ZNF165: variants seen among roughly 807,000 people sequenced by gnomAD.
The protein encoded by ZNF165 is zinc finger protein 165, also known as cancer/testis antigen 53.
A neutral mutation model predicts 19.6 loss-of-function variants in ZNF165; 14 were observed. The observed-to-expected ratio is 0.71, with a 90% confidence interval of 0.47 to 1.12. ZNF165 has a LOEUF of 1.12. Among genes scored for constraint, ZNF165 ranks in the 50% most tolerant of loss-of-function variants. The pLI, the probability that ZNF165 is intolerant of heterozygous loss-of-function variation, is 0.00. For synonymous variants in ZNF165, 165 were observed against 195.0 expected, an observed-to-expected ratio of 0.85 and a Z score of 1.28; for missense variants, 504 against 566.3, an observed-to-expected ratio of 0.89 and a Z score of 1.12.
At chr6:28,084,608 G>A (rs1044573963) in intron 1 of ZNF165, among the ~76,000 whole-genome samples, 6 of 152,094 alleles carry the variant, frequency 3.9e-5, no homozygotes, top group East Asian at 1.9e-4. Flanking sequence ...GCAGTGAGCC[G>A]AGATCGCGCC....
In ZNF165 at chr6:28,085,657, T is replaced by C. The variant is rs761880257; in HGVS notation, c.177T>C (p.Asp59=). 5.6e-6 allele frequency: 9 copies of C among 1,614,220 alleles called. No individual in the cohort carries two copies. The South Asian group carries it at 9.9e-5, about 18-fold the overall frequency. Residue 59 remains aspartate, a synonymous_variant, in exon 2 of 4, where the codon GAT becomes GAC. Transcript: ENST00000683778. ...TTTTTAGGCAGTTCTGCTACCAGGA[T>C]TCTCCTGGACCTCGCGAGGCACTGA... ...RQLFRQFCYQ[D]SPGPREALSR...
At chr6:28,086,127 C>G in intron 2 of ZNF165, 45 bp from the exon 3 acceptor site, 1 of 1,581,494 alleles carries the variant, frequency 6.3e-7, no homozygotes, top group Non-Finnish European at 8.6e-7. Flanking sequence ...AGACGTTTAA[C>G]ACAGGGATTC....
chr6:28,088,520 C>T (rs758366301), intron 3 of ZNF165, 43 bp from the exon 4 acceptor site: 60 of 1,524,824 alleles, frequency 3.9e-5, no homozygotes, highest in Non-Finnish European at 4.8e-5. Context: ...ATTTTCTTTT[C>T]GTGCAGCAAA....
At chr6:28,083,658 T>C (rs1764204862) in intron 1 of ZNF165, among the ~76,000 whole-genome samples, 1 of 152,230 alleles carries the variant, frequency 6.6e-6, no homozygotes, top group South Asian at 2.1e-4. Flanking sequence ...TCTCCCTTGA[T>C]CAGGTATGCT....
rs185917027 is a variant in ZNF165 at position 28,086,071 on chromosome 6, C to T, written c.412-101C>T. On this transcript the variant is annotated intron_variant, in intron 2 of 3. Transcript: ENST00000683778. ...ACAATTAAATCAGACTCGATTCTTC[C>T]TTCCCCAGTTTTGCATTTCTATGGG... 3.7e-3 allele frequency: 5,604 copies of T among 1,526,730 alleles called. 19 individuals are homozygous for T. The highest frequency in any genetic ancestry group is 7.6e-3 in the Admixed American group (356 of 46,754). 94.6% of individuals were successfully genotyped at this position (1,526,730 alleles called of 1,614,324 possible). A position where few individuals can be genotyped will look rare whatever the true frequency, so the allele number is the denominator to read the frequency against.
intron 1 of ZNF165, among the ~76,000 whole-genome samples, chr6:28,084,257 A>C (rs1190233905): frequency 6.6e-6 from 1 of 152,242 alleles, no homozygotes; most frequent in African/African-American, 2.4e-5. Context: ...CTTGTAAACC[A>C]TTGCTGTACA....
chr6:28,084,616 G>A (rs955868166), intron 1 of ZNF165, among the ~76,000 whole-genome samples: 4 of 152,070 alleles, frequency 2.6e-5, no homozygotes, highest in Non-Finnish European at 4.4e-5. Context: ...CCGAGATCGC[G>A]CCATTGCACT....
At position 28,080,932 on chromosome 6, in the gene ZNF165, C is replaced by T. The variant is rs1764138749; in HGVS notation, c.-39C>T. 6.6e-6 allele frequency: 1 copy of T among 152,276 alleles called. No individual in the cohort carries two copies. The highest frequency in any genetic ancestry group is 2.1e-4 in the South Asian group (1 of 4,842). 9.4% of individuals were successfully genotyped at this position (152,276 alleles called of 1,614,324 possible). A position where few individuals can be genotyped will look rare whatever the true frequency, so the allele number is the denominator to read the frequency against. ...GAAGTGTAGCGCCGCTCAGTCCTTC[C>T]ACCGGAAGTGTCCGATCGGAATCAG... On this transcript the variant is annotated 5_prime_UTR_variant, in exon 1 of 4. Transcript: ENST00000683778.
chr6:28,081,883 T>G lies in ZNF165; in HGVS notation c.-1+913T>G, dbSNP rs189642131. On this transcript the variant is annotated intron_variant, in intron 1 of 3. Coordinates refer to ENST00000683778, the MANE Select transcript of ZNF165 (RefSeq NM_001376491.1). ...TTAGGGGGACTCGGTTTTAAATAGA[T>G]GAGAAGTGATAAAACACCTGGAGAT... Among the ~76,000 whole-genome samples the G allele has an allele frequency of 1.9e-3, 297 of 152,314 alleles. 1 individual carries two copies. The highest frequency in any genetic ancestry group is 5.5e-3 in the African/African-American group (227 of 41,568).
In ZNF165 at chr6:28,088,617, T is replaced by C. The variant is rs779386659; in HGVS notation, c.605T>C (p.Ile202Thr). Residue 202 changes from isoleucine to threonine, a missense_variant, in exon 4 of 4, where the codon ATT becomes ACT. Physicochemically the swap from Ile to Thr is moderately conservative, Grantham distance 89. Transcript: ENST00000683778. ...SMPKLEIFEK[I>T]ESQRIISGRI... ...CCAAAGCTGGAAATTTTTGAAAAAA[T>C]TGAATCACAGAGAATTATATCTGGA... 3.7e-6 allele frequency: 6 copies of C among 1,611,380 alleles called. No homozygotes were observed. The African/African-American group carries it at 5.4e-5, about 14-fold the overall frequency.
intron 2 of ZNF165, 81 bp downstream of exon 2, chr6:28,085,972 T>G: frequency 1.3e-6 from 2 of 1,555,808 alleles, no homozygotes; most frequent in Non-Finnish European, 8.7e-7. Flanking sequence ...ATTGCATATC[T>G]AGCTTGCAGG....
At chr6:28,083,095 T>G (rs1764192865) in intron 1 of ZNF165, among the ~76,000 whole-genome samples, 1 of 152,202 alleles carries the variant, frequency 6.6e-6, no homozygotes, top group Non-Finnish European at 1.5e-5. Flanking sequence ...TTGAGCAATT[T>G]CTTAACAGAG....
Position 28,089,295 on chromosome 6 carries a change from A to G in ZNF165, c.1283A>G (p.Tyr428Cys). 1 of 1,614,162 alleles carries G rather than the reference A, an allele frequency of 6.2e-7. No homozygotes were observed. The highest frequency in any genetic ancestry group is 1.6e-4 in the Middle Eastern group (1 of 6,062). ...HQRIHTREKP[Y>C]ECSECGKTFR... ...AGAATTCACACCAGAGAGAAACCCT[A>G]CGAGTGTAGTGAATGTGGGAAAACC... The change falls in exon 4 of 4, where the codon TAC becomes TGC. Residue 428 changes from tyrosine (Y) to cysteine (C), a missense_variant. Physicochemically the swap from Tyr to Cys is radical, Grantham distance 194 (BLOSUM62 -2). Coordinates refer to ENST00000683778, the MANE Select transcript of ZNF165 (RefSeq NM_001376491.1).
In ZNF165 at chr6:28,086,297, C is replaced by T; in HGVS notation, c.537C>T (p.Leu179=). 1.2e-6 allele frequency: 2 copies of T among 1,613,850 alleles called. No individual in the cohort carries two copies. The highest frequency in any genetic ancestry group is 1.7e-6 in the Non-Finnish European group (2 of 1,179,900). The part of the protein sequence containing the change: ...KAHFDSSEPQ[L]LWDCDNESEN... ...ATTTTGATTCATCAGAACCCCAGCTCCTATGGGACTGTGGTGAGGGGCAGA... is the reference window on the plus strand; with the variant it reads ...ATTTTGATTCATCAGAACCCCAGCTTCTATGGGACTGTGGTGAGGGGCAGA... The change falls in exon 3 of 4, where the codon CTC becomes CTT. Residue 179 remains leucine, a synonymous_variant. Coordinates refer to ENST00000683778, the MANE Select transcript of ZNF165 (RefSeq NM_001376491.1).
chr6:28,081,218 T>G (rs203878), intron 1 of ZNF165: 80,593 of 152,180 alleles, frequency 0.53, 25,197 homozygotes, highest in African/African-American at 0.87. Flanking sequence ...CGCTGAGGGC[T>G]TGGTGGCGTG....
intron 3 of ZNF165, among the ~76,000 whole-genome samples, chr6:28,087,194 T>C (rs926567249): frequency 4.6e-5 from 7 of 152,324 alleles, no homozygotes; most frequent in Non-Finnish European, 5.9e-5. Flanking sequence ...GAATTGTCCC[T>C]ATAGTAAACC....
intron 3 of ZNF165, among the ~76,000 whole-genome samples, chr6:28,087,533 G>A (rs367923779): frequency 2.4e-4 from 36 of 152,234 alleles, no homozygotes; most frequent in Non-Finnish European, 4.9e-4. Flanking sequence ...CATGAGCCAC[G>A]GAGCCTGGCC....
In ZNF165 at chr6:28,085,572, A is replaced by C. The variant is rs917358707; in HGVS notation, c.92A>C (p.His31Pro). 1.2e-6 allele frequency: 2 copies of C among 1,614,144 alleles called. No homozygotes were observed. Among genetic ancestry groups the C allele is most frequent in the African/African-American group, 2.7e-5 (2 of 74,948 alleles). ...AAGATAGAAGAGGAAGAATTTATCC[A>C]TGGGCAGGACACTTGCTTACAGAGA... ...IVKIEEEEFI[H>P]GQDTCLQRSE... The change falls in exon 2 of 4, where the codon CAT (histidine) becomes CCT (proline). Residue 31 changes from histidine (H) to proline (P), a missense_variant. Coordinates refer to ENST00000683778, the MANE Select transcript of ZNF165 (RefSeq NM_001376491.1).
At chr6:28,083,807 T>G (rs1393135217) in intron 1 of ZNF165, among the ~76,000 whole-genome samples, 1 of 152,202 alleles carries the variant, frequency 6.6e-6, no homozygotes, top group Non-Finnish European at 1.5e-5. Flanking sequence ...GGAAATACCT[T>G]CTACCATTCA....
Sources: allele counts gnomAD v4.1 joint callset (sites outside exome capture counted in the v4.1 genomes callset), GRCh38; gene constraint gnomAD v4.1.1; transcripts MANE v1.5; gene names NCBI Gene and HGNC (gene_info 2026-07-23, HGNC 2026-07-21).